CSNK1G2: variants seen among roughly 807,000 people sequenced by gnomAD.
The protein encoded by CSNK1G2 is casein kinase 1 gamma 2.
A neutral mutation model predicts 48.0 loss-of-function variants in CSNK1G2; 11 were observed. The observed-to-expected ratio is 0.23, with a 90% CI of 0.14 to 0.38. The LOEUF is 0.38. Among genes scored for constraint, CSNK1G2 ranks in the 10% least tolerant of loss-of-function variants. CSNK1G2 has a pLI of 1.00. For synonymous variants in CSNK1G2, 337 were observed against 254.1 expected (o/e 1.33, Z -3.10); for missense variants, 446 against 595.5 (o/e 0.75, Z 2.61).
intron 1 of CSNK1G2, among the ~76,000 whole-genome samples, chr19:1,967,177 C>T (rs1207520307): frequency 6.6e-6 from 1 of 152,198 alleles, no homozygotes; most frequent in Non-Finnish European, 1.5e-5. Context: ...GGCCTGTGAT[C>T]CCCACAGGGT....
At chr19:1,961,276 A>G (rs2015190639) in intron 1 of CSNK1G2, among the ~76,000 whole-genome samples, 1 of 152,196 alleles carries the variant, frequency 6.6e-6, no homozygotes, top group Non-Finnish European at 1.5e-5. Context: ...CCCCATGGCC[A>G]GAACCTGGCC....
In CSNK1G2 at chr19:1,979,216, C is replaced by T. The variant is rs1445571397; in HGVS notation, c.736C>T (p.Leu246=). 4 of 1,548,830 alleles carry T rather than the reference C, an allele frequency of 2.6e-6. No homozygotes were observed. The highest frequency in any genetic ancestry group is 3.5e-6 in the Non-Finnish European group (4 of 1,145,990). ...GCTGGGCCACATGTTCATGTACTTC[C>T]TGCGCGGCAGCCTCCCCTGGCAGGG... is the stretch of plus-strand genomic sequence containing the variant. ...EALGHMFMYF[L]RGSLPWQGLK... Residue 246 remains leucine, a synonymous_variant, in exon 7 of 12, where the codon CTG becomes TTG. Coordinates refer to ENST00000255641, the MANE Select transcript of CSNK1G2 (RefSeq NM_001319.7).
intron 1 of CSNK1G2, chr19:1,968,646 G>C (rs2015460397): frequency 6.5e-6 from 1 of 152,732 alleles, no homozygotes; most frequent in Non-Finnish European, 1.5e-5. Context: ...ACCATCCCGG[G>C]AGCAGGGACT....
chr19:1,975,957 C>G lies in CSNK1G2; in HGVS notation c.188-2348C>G, dbSNP rs1350491054. The G allele has an allele frequency of 3.3e-6, 3 of 896,228 alleles. No homozygotes were observed. In the East Asian group the frequency reaches 1.9e-4, roughly 56 times the overall value. The allele number at this position is 896,228 out of a possible 1,614,324, so 55.5% of individuals were successfully genotyped here. ...GGCTGAGGCAGGAGAATCGCTTGAA[C>G]CCAGGAGGCAGAGGTTCCAGTGAGC... On this transcript the variant is annotated intron_variant, in intron 2 of 11. Transcript: ENST00000255641.
intron 2 of CSNK1G2, among the ~76,000 whole-genome samples, chr19:1,971,567 A>T (rs2145577592): frequency 6.6e-6 from 1 of 152,342 alleles, no homozygotes; most frequent in South Asian, 2.1e-4. Flanking sequence ...ACAGGCGCAC[A>T]CAGCCACAAC....
At position 1,978,588 on chromosome 19, in the gene CSNK1G2, GTCC is replaced by G. The variant is rs1568205643; in HGVS notation, c.299-10_299-8del. 3 of 1,585,280 alleles carry G rather than the reference GTCC, an allele frequency of 1.9e-6. No homozygotes were observed. Among genetic ancestry groups the G allele is most frequent in the Admixed American group, 3.6e-5 (2 of 55,678 alleles). ...GCTGCCGCCGCACGCCCGTGCGTCT[GTCC>G]TCCGCCGCAGAGGGCGTCCCTCAGG... On this transcript the variant is annotated splice_polypyrimidine_tract_variant and intron_variant, in intron 4 of 11. Transcript: ENST00000255641. This position sits in a 1 kb window ranked among gnomAD's most constrained non-coding sequence, Gnocchi z 7.3.
chr19:1,944,187 C>T (rs1212766286), intron 1 of CSNK1G2, among the ~76,000 whole-genome samples: 4 of 152,104 alleles, frequency 2.6e-5, no homozygotes, highest in African/African-American at 4.8e-5. Context: ...TCAGGCGTGC[C>T]GGGTCCGCCT....
At chr19:1,961,017 G>A (rs2015180837) in intron 1 of CSNK1G2, among the ~76,000 whole-genome samples, 2 of 152,242 alleles carry the variant, frequency 1.3e-5, no homozygotes, top group African/African-American at 4.8e-5. Context: ...GTGCGGCGGG[G>A]CGTGGGCAGA....
chr19:1,949,443 C>T (rs972015023), intron 1 of CSNK1G2, among the ~76,000 whole-genome samples: 1 of 152,244 alleles, frequency 6.6e-6, no homozygotes, highest in Non-Finnish European at 1.5e-5. Flanking sequence ...GTGTGACACC[C>T]TCGGTGCATC....
intron 1 of CSNK1G2, chr19:1,953,013 TG>T: frequency 2.4e-6 from 1 of 409,508 alleles, no homozygotes; most frequent in East Asian, 9.3e-5. Context: ...AGACTCCGTC[TG>T]AAAAAAAAAA....
intron 2 of CSNK1G2, among the ~76,000 whole-genome samples, chr19:1,973,545 C>T (rs1408002341): frequency 6.6e-6 from 1 of 152,240 alleles, no homozygotes; most frequent in African/African-American, 2.4e-5. Context: ...CTGCGTGTGA[C>T]AGGAGTGCTT....
At chr19:1,967,345 C>T (rs992614040) in intron 1 of CSNK1G2, among the ~76,000 whole-genome samples, 5 of 152,182 alleles carry the variant, frequency 3.3e-5, no homozygotes, top group African/African-American at 7.2e-5. Context: ...GCGGCCCCTA[C>T]GTCCTGCCGG....
intron 1 of CSNK1G2, among the ~76,000 whole-genome samples, chr19:1,943,254 C>T (rs1345971800): frequency 1.3e-5 from 2 of 152,194 alleles, no homozygotes; most frequent in Non-Finnish European, 2.9e-5. Context: ...TGCCTTCGGA[C>T]TTCCTTGTGT....
At chr19:1,952,911 T>C (rs1231292073) in intron 1 of CSNK1G2, 1 of 448,096 alleles carries the variant, frequency 2.2e-6, no homozygotes. Context: ...CCGAGGTGAC[T>C]GCCTTCGAGT....
intron 1 of CSNK1G2, among the ~76,000 whole-genome samples, chr19:1,946,060 G>A (rs1210729301): frequency 6.6e-6 from 1 of 152,066 alleles, no homozygotes; most frequent in Non-Finnish European, 1.5e-5. Flanking sequence ...CGGAGGCCAC[G>A]CGTATGTTCC....
At chr19:1,953,974 G>T (rs377731268) in intron 1 of CSNK1G2, 2 of 533,856 alleles carry the variant, frequency 3.7e-6, no homozygotes, top group South Asian at 2.8e-5. Context: ...GGGCCTTCTC[G>T]TGGTGATGAC....
intron 1 of CSNK1G2, among the ~76,000 whole-genome samples, chr19:1,949,321 C>T (rs895320819): frequency 3.3e-5 from 5 of 152,210 alleles, no homozygotes; most frequent in African/African-American, 9.7e-5. Context: ...CCCTCTCCAG[C>T]CCCTGGCACC....
chr19:1,980,285 C>G lies in CSNK1G2; in HGVS notation c.*82C>G. 6.5e-7 allele frequency: 1 copy of G among 1,537,888 alleles called. No homozygotes were observed. The highest frequency in any genetic ancestry group is 9.0e-7 in the Non-Finnish European group (1 of 1,116,214). ...TTGTGCGAGGCCCTCGGGGCCCACC[C>G]ACAGCGGCCCAGGGCCAGACCCTGG... On this transcript the variant is annotated 3_prime_UTR_variant, in exon 12 of 12. Coordinates refer to ENST00000255641, the MANE Select transcript of CSNK1G2 (RefSeq NM_001319.7).
intron 1 of CSNK1G2, among the ~76,000 whole-genome samples, chr19:1,950,989 G>A (rs575261490): frequency 6.8e-6 from 1 of 146,608 alleles, no homozygotes; most frequent in East Asian, 2.1e-4. Flanking sequence ...GACCATGGGG[G>A]TCAGAGAGCT....
Sources: gnomAD v4.1 joint callset for allele counts (sites outside exome capture counted in the v4.1 genomes callset) on GRCh38, gnomAD v4.1.1 for gene constraint, Gnocchi (gnomAD v3.1) non-coding constraint, MANE v1.5 for transcripts, NCBI Gene and HGNC (gene_info 2026-07-23, HGNC 2026-07-21) for gene names.